The following RBFOX1 variants were observed in gnomAD, a reference collection of about 807,000 sequenced individuals.
RBFOX1 encodes RNA binding fox-1 homolog 1.
In RBFOX1, 8 loss-of-function variants were observed where a neutral mutation model predicts 57.7. The observed-to-expected ratio is 0.14, with a 90% CI of 0.08 to 0.25. The LOEUF is 0.25. Among genes scored for constraint, RBFOX1 ranks in the 10% least tolerant of loss-of-function variants. The pLI is 1.00. For synonymous variants in RBFOX1, 326 were observed against 222.4 expected (o/e 1.47, Z -4.15); for missense variants, 611 against 548.5 (o/e 1.11, Z -1.14).
intron 2 of RBFOX1, among the ~76,000 whole-genome samples, chr16:6,652,680 G>C (rs753132337): frequency 6.6e-5 from 10 of 152,092 alleles, no homozygotes; most frequent in Non-Finnish European, 1.3e-4. Context: ...GGCATTCCTA[G>C]CCGACTCATA....
chr16:6,661,476 A>T (rs924167047), intron 3 of RBFOX1, among the ~76,000 whole-genome samples: 2 of 152,340 alleles, frequency 1.3e-5, no homozygotes, highest in East Asian at 1.9e-4. Flanking sequence ...TATCAGGCCA[A>T]TGCATTAGGG....
intron 3 of RBFOX1, among the ~76,000 whole-genome samples, chr16:6,915,887 G>T (rs1487901965): frequency 6.6e-6 from 1 of 152,130 alleles, no homozygotes; most frequent in Non-Finnish European, 1.5e-5. Context: ...TTCTCCTGAA[G>T]TGGACATGTT....
intron 4 of RBFOX1, among the ~76,000 whole-genome samples, chr16:7,091,365 C>CTT (rs113771102): frequency 6.9e-6 from 1 of 145,952 alleles, no homozygotes; most frequent in Admixed American, 6.8e-5. Flanking sequence ...CTTTTAAAAA[C>CTT]TTTTTTTTTT....
At chr16:7,665,092 T>A in intron 13 of RBFOX1, 124 bp downstream of exon 13, 1 of 1,586,520 alleles carries the variant, frequency 6.3e-7, no homozygotes, top group Non-Finnish European at 8.6e-7. Flanking sequence ...AGGAAATAAT[T>A]CCGTGGTTTG....
At chr16:5,709,825 A>T (rs1232685169) in intron 3 of RBFOX1, among the ~76,000 whole-genome samples, 1 of 13,078 alleles carries the variant, frequency 7.6e-5, no homozygotes, top group African/African-American at 2.8e-4. Context: ...ATATATATAT[A>T]TATATATATA....
intron 4 of RBFOX1, among the ~76,000 whole-genome samples, chr16:7,431,923 A>C (rs1276558067): frequency 6.6e-6 from 1 of 152,210 alleles, no homozygotes; most frequent in African/African-American, 2.4e-5. Context: ...GCTTGTTTCT[A>C]GCTAACACAA....
intron 1 of RBFOX1, among the ~76,000 whole-genome samples, chr16:6,285,692 A>G (rs1278181612): frequency 6.6e-6 from 1 of 152,108 alleles, no homozygotes; most frequent in Admixed American, 6.6e-5. Flanking sequence ...CCATCCTTGT[A>G]TATCCTGCAA....
chr16:7,459,558 T>A (rs1009868704), intron 4 of RBFOX1, among the ~76,000 whole-genome samples: 1 of 152,230 alleles, frequency 6.6e-6, no homozygotes, highest in African/African-American at 2.4e-5. Flanking sequence ...TAAAATTTCA[T>A]CTGTTAATTG....
intron 3 of RBFOX1, among the ~76,000 whole-genome samples, chr16:5,780,604 T>TTA (rs2054294728): frequency 3.3e-5 from 5 of 152,294 alleles, no homozygotes; most frequent in East Asian, 1.9e-4. Context: ...AATGTTGAAT[T>TTA]TCCTGGGGAG....
intron 4 of RBFOX1, among the ~76,000 whole-genome samples, chr16:7,177,773 C>T (rs934805124): frequency 1.3e-5 from 2 of 152,176 alleles, no homozygotes; most frequent in Non-Finnish European, 2.9e-5. Context: ...TGCAACTCCT[C>T]AACTCTTCTG....
intron 12 of RBFOX1, among the ~76,000 whole-genome samples, chr16:7,660,847 C>T (rs1393879256): frequency 6.6e-6 from 1 of 152,194 alleles, no homozygotes; most frequent in Non-Finnish European, 1.5e-5. Context: ...GTTTGACCAC[C>T]ACTGCCTGCC....
chr16:7,167,093 C>T (rs1452745637), intron 4 of RBFOX1, among the ~76,000 whole-genome samples: 5 of 147,096 alleles, frequency 3.4e-5, no homozygotes. Flanking sequence ...TCAAGCGATT[C>T]TCCTGCCTCA....
At chr16:5,296,572 A>ATTTTTTAATTAAAAAAAAAAAAT (rs1567296257) in intron 1 of RBFOX1, among the ~76,000 whole-genome samples, 13 of 151,380 alleles carry the variant, frequency 8.6e-5, no homozygotes, top group African/African-American at 2.7e-4. Flanking sequence ...AAAAAAAAAA[A>ATTTTTTAATTAAAAAAAAAAAAT]TTTTTTTTTA....
intron 4 of RBFOX1, among the ~76,000 whole-genome samples, chr16:7,147,244 A>T (rs1377374557): frequency 6.6e-6 from 1 of 150,830 alleles, no homozygotes; most frequent in Non-Finnish European, 1.5e-5. Context: ...ACCTCAAGTG[A>T]TCCGCCCACC....
At chr16:7,331,035 A>G (rs1407580316) in intron 4 of RBFOX1, among the ~76,000 whole-genome samples, 1 of 152,204 alleles carries the variant, frequency 6.6e-6, no homozygotes, top group African/African-American at 2.4e-5. Context: ...ACTTTGATGC[A>G]TGAGAATCAA....
chr16:7,491,223 C>T (rs1218783570), intron 4 of RBFOX1, among the ~76,000 whole-genome samples: 3 of 152,082 alleles, frequency 2.0e-5, no homozygotes, highest in African/African-American at 7.2e-5. Flanking sequence ...TTGCCACATC[C>T]CTTTTTCTTG....
chr16:6,189,397 C>T (rs2097128000), intron 1 of RBFOX1, among the ~76,000 whole-genome samples: 1 of 152,214 alleles, frequency 6.6e-6, no homozygotes, highest in South Asian at 2.1e-4. Flanking sequence ...TCATCATAAA[C>T]TCCTCAGCTG....
intron 3 of RBFOX1, among the ~76,000 whole-genome samples, chr16:5,616,626 CCCT>C (rs1171448373): frequency 1.4e-5 from 2 of 148,042 alleles, no homozygotes; most frequent in Non-Finnish European, 3.0e-5. Flanking sequence ...TTCTCTCTCT[CCCT>C]CCTCCTCCTC....
At chr16:7,375,432 G>C (rs1027977172) in intron 4 of RBFOX1, among the ~76,000 whole-genome samples, 1 of 152,026 alleles carries the variant, frequency 6.6e-6, no homozygotes, top group East Asian at 1.9e-4. Flanking sequence ...ACAAATTAGC[G>C]GCTATGGAAT....
Sources: allele counts gnomAD v4.1 joint callset (sites outside exome capture counted in the v4.1 genomes callset), GRCh38; gene constraint gnomAD v4.1.1; transcripts MANE v1.5; gene names NCBI Gene and HGNC (gene_info 2026-07-23, HGNC 2026-07-21).